Variants in EYS observed in about 807,000 individuals in gnomAD.
The protein encoded by EYS is protein eyes shut homolog.
A neutral mutation model predicts 282.1 loss-of-function variants in EYS; 250 were observed. That is an observed-to-expected ratio of 0.89 (90% CI 0.80 to 0.98). EYS has a LOEUF of 0.98. Among genes scored for constraint, EYS ranks in the 50% least tolerant of loss-of-function variants. The probability of loss-of-function intolerance (pLI) is 0.00; values close to 1 mark genes in which losing one functional copy is unlikely to be tolerated. For missense variants in EYS, 4,016 were observed against 3,709.0 expected (o/e 1.08, Z -2.15); for synonymous variants, 1,355 against 1,282.9 (o/e 1.06, Z -1.20).
chr6:64,181,281 T>G (rs1364528132), intron 31 of EYS, among the ~76,000 whole-genome samples: 1 of 152,166 alleles, frequency 6.6e-6, no homozygotes, highest in African/African-American at 2.4e-5. Context: ...GTATAAATTT[T>G]ATTATTAAAT....
intron 35 of EYS, among the ~76,000 whole-genome samples, chr6:63,948,532 CT>C (rs2149763081): frequency 6.6e-6 from 1 of 152,320 alleles, no homozygotes; most frequent in South Asian, 2.1e-4. Context: ...GATCAGACAG[CT>C]TGAAAGAAAG....
chr6:65,534,050 G>A (rs769081440), intron 2 of EYS, among the ~76,000 whole-genome samples: 14 of 151,924 alleles, frequency 9.2e-5, no homozygotes, highest in Non-Finnish European at 1.5e-4. Flanking sequence ...AAAGAAACAA[G>A]CAAGTTGGAA....
At chr6:64,703,218 G>C (rs1770848930) in intron 22 of EYS, among the ~76,000 whole-genome samples, 1 of 151,472 alleles carries the variant, frequency 6.6e-6, no homozygotes, top group Non-Finnish European at 1.5e-5. Flanking sequence ...TATTCCCCTT[G>C]TCTAATTGAT....
intron 9 of EYS, among the ~76,000 whole-genome samples, chr6:65,348,235 T>C (rs1022226363): frequency 2.6e-5 from 4 of 151,878 alleles, no homozygotes; most frequent in Admixed American, 2.6e-4. Flanking sequence ...CCCCTTTCAT[T>C]TGAGTATATA....
intron 35 of EYS, among the ~76,000 whole-genome samples, chr6:63,928,256 T>C (rs1291842279): frequency 1.3e-5 from 2 of 152,160 alleles, no homozygotes; most frequent in African/African-American, 2.4e-5. Flanking sequence ...TCTTCTACAG[T>C]GTTTGGTAGA....
At chr6:64,985,171 A>G (rs1770813433) in intron 14 of EYS, among the ~76,000 whole-genome samples, 1 of 151,568 alleles carries the variant, frequency 6.6e-6, no homozygotes, top group Non-Finnish European at 1.5e-5. Flanking sequence ...AGCAGATGCC[A>G]CTGAAGACCA....
chr6:64,439,676 A>G (rs766294708), intron 26 of EYS, among the ~76,000 whole-genome samples: 15 of 151,874 alleles, frequency 9.9e-5, no homozygotes, highest in Non-Finnish European at 1.9e-4. Flanking sequence ...TCTTCTTTAT[A>G]TAAGATATTG....
intron 5 of EYS, among the ~76,000 whole-genome samples, chr6:65,454,578 C>A (rs1764533402): frequency 6.7e-6 from 1 of 150,246 alleles, no homozygotes; most frequent in Middle Eastern, 3.2e-3. Flanking sequence ...AAAAAAAAAT[C>A]CTTGCCCAGC....
At chr6:64,411,624 C>T (rs1582719533) in intron 28 of EYS, among the ~76,000 whole-genome samples, 1 of 152,036 alleles carries the variant, frequency 6.6e-6, no homozygotes, top group Admixed American at 6.6e-5. Context: ...AGGATGATCA[C>T]TTGAGGCCAG....
At chr6:63,840,592 T>C (rs1163488396) in intron 36 of EYS, among the ~76,000 whole-genome samples, 4 of 152,198 alleles carry the variant, frequency 2.6e-5, no homozygotes, top group African/African-American at 9.6e-5. Flanking sequence ...TTTTGAGGTC[T>C]TCTCTATAAA....
At chr6:64,620,953 A>C (rs1767427770) in intron 23 of EYS, among the ~76,000 whole-genome samples, 1 of 152,198 alleles carries the variant, frequency 6.6e-6, no homozygotes, top group African/African-American at 2.4e-5. Flanking sequence ...GATTTAAAAT[A>C]ATTGTGGTGC....
At chr6:65,540,685 G>A (rs1768132704) in intron 2 of EYS, among the ~76,000 whole-genome samples, 3 of 152,236 alleles carry the variant, frequency 2.0e-5, no homozygotes, top group South Asian at 2.1e-4. Context: ...TTGGGAGGCC[G>A]AGGCGGGCAG....
chr6:65,580,542 T>C (rs1764831125), intron 2 of EYS, among the ~76,000 whole-genome samples: 1 of 152,122 alleles, frequency 6.6e-6, no homozygotes, highest in African/African-American at 2.4e-5. Context: ...AAAATATAAC[T>C]AATCAGTCAT....
chr6:64,832,130 C>T (rs910102062), intron 19 of EYS, among the ~76,000 whole-genome samples: 1 of 151,766 alleles, frequency 6.6e-6, no homozygotes, highest in Non-Finnish European at 1.5e-5. Flanking sequence ...TATTTGAGGG[C>T]CCTGTGTATT....
chr6:64,727,866 T>C (rs1562158055), intron 22 of EYS, among the ~76,000 whole-genome samples: 1 of 152,226 alleles, frequency 6.6e-6, no homozygotes, highest in Admixed American at 6.5e-5. Context: ...GCCTAATAAG[T>C]ACTTTGTCCA....
chr6:65,556,602 C>A (rs1210698110), intron 2 of EYS, among the ~76,000 whole-genome samples: 1 of 152,050 alleles, frequency 6.6e-6, no homozygotes, highest in African/African-American at 2.4e-5. Context: ...AAAACATTAT[C>A]TTAATTGATG....
intron 31 of EYS, among the ~76,000 whole-genome samples, chr6:64,099,432 T>C (rs2150257999): frequency 6.6e-6 from 1 of 152,342 alleles, no homozygotes; most frequent in Middle Eastern, 3.4e-3. Context: ...TAGAATTAGT[T>C]TGCCTTTGCC....
chr6:65,558,968 C>T (rs1226897034), intron 2 of EYS, among the ~76,000 whole-genome samples: 1 of 151,978 alleles, frequency 6.6e-6, no homozygotes. Flanking sequence ...ATATCACAGT[C>T]CTTTAAAATC....
At chr6:64,734,903 T>C (rs1772132469) in intron 22 of EYS, among the ~76,000 whole-genome samples, 1 of 152,184 alleles carries the variant, frequency 6.6e-6, no homozygotes, top group Admixed American at 6.5e-5. Flanking sequence ...ATAGGAATTC[T>C]ATATTTATTA....
Sources: gnomAD v4.1 joint callset for allele counts (sites outside exome capture counted in the v4.1 genomes callset) on GRCh38, gnomAD v4.1.1 for gene constraint, MANE v1.5 for transcripts, NCBI Gene and HGNC (gene_info 2026-07-23, HGNC 2026-07-21) for gene names.